The following TLN2 variants were observed in gnomAD, a reference collection of about 807,000 sequenced individuals.
TLN2 encodes the protein talin-2.
A neutral mutation model predicts 294.7 loss-of-function variants in TLN2; 118 were observed. The observed-to-expected ratio is 0.40, with a 90% CI of 0.34 to 0.47. The LOEUF (loss-of-function observed/expected upper bound fraction) is 0.47. Among genes scored for constraint, TLN2 ranks in the 20% least tolerant of loss-of-function variants. TLN2 has a pLI of 0.84. For missense variants in TLN2, 3,083 were observed against 3,282.2 expected, an observed-to-expected ratio of 0.94 and a Z score of 1.48; for synonymous variants, 1,431 against 1,304.5, an observed-to-expected ratio of 1.10 and a Z score of -2.09.
chr15:62,515,087 C>G (rs925775959), intron 1 of TLN2, among the ~76,000 whole-genome samples: 1 of 152,180 alleles, frequency 6.6e-6, no homozygotes, highest in Non-Finnish European at 1.5e-5. Context: ...TAGAGAAGAT[C>G]TAAGGCCCAT....
intron 36 of TLN2, chr15:62,754,328 G>A (rs1362794599): frequency 6.5e-6 from 1 of 153,610 alleles, no homozygotes; most frequent in East Asian, 1.9e-4. Context: ...GACAGTGCCA[G>A]GGATGTGCAA....
In TLN2 at chr15:62,423,968, T is replaced by C. The variant is rs541917621; in HGVS notation, c.-238+33283T>C. Among the ~76,000 whole-genome samples, 5 of 152,324 alleles carry C rather than the reference T, an allele frequency of 3.3e-5. No individual in the cohort carries two copies. The South Asian group carries it at 1.0e-3, about 32-fold the overall frequency. On this transcript the variant is annotated intron_variant, in intron 1 of 58. Transcript: ENST00000636159. ...TTCCCTCTTTTCAAAGGCTGACTAA[T>C]GTTAACGTTAATTGCAACTAGATGT... is the stretch of plus-strand genomic sequence containing the variant.
intron 9 of TLN2, among the ~76,000 whole-genome samples, chr15:62,666,684 C>T (rs2054693445): frequency 6.6e-6 from 1 of 152,194 alleles, no homozygotes. Flanking sequence ...CTAGGCGTTT[C>T]CCAGCTCACT....
intron 3 of TLN2, among the ~76,000 whole-genome samples, chr15:62,645,484 G>A (rs1014966694): frequency 2.6e-5 from 4 of 152,216 alleles, no homozygotes; most frequent in African/African-American, 9.6e-5. Flanking sequence ...GGCCTGAAAG[G>A]TTGCTTTGTG....
chr15:62,647,318 C>T lies in TLN2; in HGVS notation c.8C>T (p.Ala3Val), dbSNP rs372931716. The change falls in exon 4 of 59, where the codon GCC becomes GTC. Residue 3 changes from alanine to valine, a missense_variant. Transcript: ENST00000636159. Reference protein sequence around the residue: MVALSLKICVRHC... With the variant: MVVLSLKICVRHC... ...TCCACATCATCTAGGAAAATGGTGG[C>T]CCTGTCCTTAAAGATTTGTGTGCGC... 66 of 1,614,056 alleles carry T rather than the reference C, an allele frequency of 4.1e-5. 1 individual carries two copies. In the East Asian group the frequency reaches 7.8e-4, roughly 19 times the overall value.
chr15:62,492,543 C>CAAAAAAAAA (rs35935035), intron 1 of TLN2, among the ~76,000 whole-genome samples: 8 of 84,438 alleles, frequency 9.5e-5, no homozygotes, highest in East Asian at 2.6e-4. Context: ...GACTCTGTCT[C>CAAAAAAAAA]AAAAAAAAAA....
At chr15:62,592,209 A>G (rs981997454) in intron 2 of TLN2, among the ~76,000 whole-genome samples, 5 of 152,180 alleles carry the variant, frequency 3.3e-5, no homozygotes, top group Admixed American at 2.6e-4. Context: ...AGCCTGCACA[A>G]TCCTAGCTGC....
intron 11 of TLN2, among the ~76,000 whole-genome samples, chr15:62,677,720 C>G (rs965861109): frequency 6.7e-6 from 1 of 149,320 alleles, no homozygotes; most frequent in Admixed American, 6.7e-5. Context: ...TCCTCTCTTT[C>G]TTTCCCTTCT....
At chr15:62,602,750 G>C (rs1352531046) in intron 2 of TLN2, among the ~76,000 whole-genome samples, 2 of 152,002 alleles carry the variant, frequency 1.3e-5, no homozygotes, top group African/African-American at 2.4e-5. Context: ...TGAGAGCTGA[G>C]CCTTTATGAC....
intron 34 of TLN2, among the ~76,000 whole-genome samples, chr15:62,751,075 C>T (rs1304667607): frequency 6.6e-6 from 1 of 151,700 alleles, no homozygotes; most frequent in East Asian, 1.9e-4. Context: ...TAACCTTACT[C>T]AACAAAATCT....
intron 1 of TLN2, among the ~76,000 whole-genome samples, chr15:62,536,737 C>T (rs1232374987): frequency 3.9e-5 from 6 of 152,074 alleles, no homozygotes; most frequent in Non-Finnish European, 8.8e-5. Flanking sequence ...CCGAGCTATT[C>T]GCAAGAATAG....
At chr15:62,611,713 A>G (rs1277901591) in intron 2 of TLN2, among the ~76,000 whole-genome samples, 9 of 152,176 alleles carry the variant, frequency 5.9e-5, no homozygotes, top group Non-Finnish European at 1.0e-4. Context: ...GAGAGATTTT[A>G]TAACCTAGTA....
At chr15:62,754,630 C>A (rs1595886395) in intron 36 of TLN2, 2 of 152,526 alleles carry the variant, frequency 1.3e-5, no homozygotes, top group African/African-American at 4.8e-5. Flanking sequence ...CTGGGGCCCA[C>A]GTTCTTGAGG....
chr15:62,785,017 T>C (rs1692358624), intron 45 of TLN2, among the ~76,000 whole-genome samples: 1 of 152,222 alleles, frequency 6.6e-6, no homozygotes, highest in African/African-American at 2.4e-5. Flanking sequence ...TAACAATGCA[T>C]GTAAATAGGA....
At chr15:62,562,109 T>C (rs1436569001) in intron 1 of TLN2, among the ~76,000 whole-genome samples, 1 of 152,232 alleles carries the variant, frequency 6.6e-6, no homozygotes, top group African/African-American at 2.4e-5. Context: ...CCGAATCGTT[T>C]GGAGATATTG....
intron 51 of TLN2, among the ~76,000 whole-genome samples, chr15:62,806,178 G>A (rs1376242804): frequency 6.6e-6 from 1 of 152,042 alleles, no homozygotes; most frequent in East Asian, 1.9e-4. Flanking sequence ...AGGTGACAGA[G>A]CAAAACCCTG....
chr15:62,796,312 C>T lies in TLN2; in HGVS notation c.6050+19C>T, dbSNP rs200038550. ...ACCACAGGTACGTGGGGGTCCTGGA[C>T]GGGGAGAGGTTCAGGCTGGCCTGCC... On this transcript the variant is annotated intron_variant, in intron 47 of 58. Coordinates refer to ENST00000636159, the MANE Select transcript of TLN2 (RefSeq NM_015059.3). The T allele has an allele frequency of 3.7e-5, 59 of 1,604,226 alleles. No homozygotes were observed. Among genetic ancestry groups the T allele is most frequent in the East Asian group, 3.6e-4 (16 of 44,776 alleles).
At chr15:62,694,712 G>C (rs370181213) in intron 14 of TLN2, among the ~76,000 whole-genome samples, 2 of 152,186 alleles carry the variant, frequency 1.3e-5, no homozygotes, top group African/African-American at 2.4e-5. Context: ...TCATTGAGCC[G>C]TACCGTCAGG....
chr15:62,599,655 A>G lies in TLN2; in HGVS notation c.-162+9893A>G, dbSNP rs573928505. On this transcript the variant is annotated intron_variant, in intron 2 of 58. Transcript: ENST00000636159. ...CCTAAATATTTCCCAGATATGTTCT[A>G]TATTCTTCAGTTTATTTATCTCTAA... Among the ~76,000 whole-genome samples the G allele has an allele frequency of 6.6e-5, 10 of 152,194 alleles. No individual in the cohort carries two copies. The East Asian group carries it at 1.3e-3, about 21-fold the overall frequency.
Sources: allele counts gnomAD v4.1 joint callset (sites outside exome capture counted in the v4.1 genomes callset), GRCh38; gene constraint gnomAD v4.1.1; transcripts MANE v1.5; gene names NCBI Gene and HGNC (gene_info 2026-07-23, HGNC 2026-07-21).